The following COLGALT2 variants were observed in gnomAD, a reference collection of about 807,000 sequenced individuals.
The protein encoded by COLGALT2 is procollagen galactosyltransferase 2.
In COLGALT2, 49 loss-of-function variants were observed where a neutral mutation model predicts 73.4. The observed-to-expected ratio is 0.67, with a 90% confidence interval of 0.53 to 0.85. COLGALT2 has a LOEUF of 0.85. Among genes scored for constraint, COLGALT2 ranks in the 40% least tolerant of loss-of-function variants. COLGALT2 has a pLI of 0.00. For synonymous variants in COLGALT2, 295 were observed against 307.6 expected (o/e 0.96, Z 0.43); for missense variants, 722 against 790.2 (o/e 0.91, Z 1.03).
At chr1:183,967,285 C>G (rs1301343831) in intron 5 of COLGALT2, among the ~76,000 whole-genome samples, 1 of 152,234 alleles carries the variant, frequency 6.6e-6, no homozygotes, top group Non-Finnish European at 1.5e-5. Flanking sequence ...TGCTTCATGA[C>G]TATTAGTTGT....
At position 183,935,979 on chromosome 1, in the gene COLGALT2, G is replaced by A; in HGVS notation, c.*2782C>T. 1.0e-6 allele frequency: 1 copy of A among 984,154 alleles called. No individual in the cohort carries two copies. The highest frequency in any genetic ancestry group is 1.7e-5 in the African/African-American group (1 of 57,196). 61.0% of individuals were successfully genotyped at this position (984,154 alleles called of 1,614,324 possible). ...TCTTGTTCTCAGAGCTCCTGCAGCA[G>A]GCCTGAATGAACCGCAAGCGGGGCC... is the stretch of plus-strand genomic sequence containing the variant. On this transcript the variant is annotated 3_prime_UTR_variant, in exon 12 of 12. Transcript: ENST00000361927.
At chr1:184,014,064 G>A (rs1648920482) in intron 1 of COLGALT2, among the ~76,000 whole-genome samples, 1 of 152,158 alleles carries the variant, frequency 6.6e-6, no homozygotes, top group Non-Finnish European at 1.5e-5. Flanking sequence ...AAAATGTCAG[G>A]AGATCTCTAG....
At chr1:183,980,166 A>G (rs1190849413) in intron 1 of COLGALT2, among the ~76,000 whole-genome samples, 1 of 151,992 alleles carries the variant, frequency 6.6e-6, no homozygotes, top group Non-Finnish European at 1.5e-5. Context: ...ATAAAAATAA[A>G]TGAGTTAAAT....
chr1:183,969,492 G>A lies in COLGALT2; in HGVS notation c.628-19C>T. On this transcript the variant is annotated intron_variant, in intron 4 of 11. Coordinates refer to ENST00000361927, the MANE Select transcript of COLGALT2 (RefSeq NM_015101.4). Reference sequence around the variant, plus strand: ...AGAAGCCCTGTAAAAGAGCAAATAGGTGGGTTGTGTTTTCTGATTTGAAGT... The same window carrying A: ...AGAAGCCCTGTAAAAGAGCAAATAGATGGGTTGTGTTTTCTGATTTGAAGT... The A allele has an allele frequency of 6.3e-7, 1 of 1,583,034 alleles. No homozygotes were observed. The highest frequency in any genetic ancestry group is 8.6e-7 in the Non-Finnish European group (1 of 1,163,616).
At chr1:183,998,674 C>T (rs2102836559) in intron 1 of COLGALT2, among the ~76,000 whole-genome samples, 1 of 152,142 alleles carries the variant, frequency 6.6e-6, no homozygotes, top group East Asian at 1.9e-4. Context: ...GAATCATTAT[C>T]TTTATCAATT....
intron 4 of COLGALT2, among the ~76,000 whole-genome samples, chr1:183,970,352 T>C (rs1239434052): frequency 6.6e-6 from 1 of 152,226 alleles, no homozygotes; most frequent in African/African-American, 2.4e-5. Flanking sequence ...GATGGCAGGC[T>C]CACTGGAATG....
At chr1:184,030,728 C>A (rs1277465348) in intron 1 of COLGALT2, among the ~76,000 whole-genome samples, 1 of 152,184 alleles carries the variant, frequency 6.6e-6, no homozygotes, top group Non-Finnish European at 1.5e-5. Context: ...GGCCTAATCA[C>A]TTGGATAAAG....
At chr1:183,933,775 C>T (rs538615671), downstream of COLGALT2, among the ~76,000 whole-genome samples, 78 of 152,316 alleles carry the variant, frequency 5.1e-4, 1 homozygote, top group African/African-American at 1.8e-3. Flanking sequence ...TCTGTGGGCC[C>T]TAGGATTGCT....
At chr1:183,952,123 T>G (rs1670417839) in intron 7 of COLGALT2, among the ~76,000 whole-genome samples, 1 of 152,232 alleles carries the variant, frequency 6.6e-6, no homozygotes, top group Non-Finnish European at 1.5e-5. Flanking sequence ...CCAGACTTAA[T>G]GAACCATAGA....
intron 7 of COLGALT2, among the ~76,000 whole-genome samples, chr1:183,953,053 A>T (rs1363003439): frequency 6.6e-6 from 1 of 152,126 alleles, no homozygotes; most frequent in African/African-American, 2.4e-5. Context: ...AAAAACAGAG[A>T]CCTCCAGTCT....
At chr1:183,957,748 A>G (rs1670591121) in intron 6 of COLGALT2, among the ~76,000 whole-genome samples, 1 of 144,544 alleles carries the variant, frequency 6.9e-6, no homozygotes, top group African/African-American at 2.6e-5. Context: ...CATAGTCACC[A>G]TGTAATTTTA....
At chr1:184,031,714 A>G (rs1028268835) in intron 1 of COLGALT2, among the ~76,000 whole-genome samples, 4 of 152,150 alleles carry the variant, frequency 2.6e-5, no homozygotes, top group African/African-American at 9.7e-5. Context: ...CCTTCTGTGT[A>G]AAGTGATAGA....
At chr1:183,948,347 C>T (rs747697723) in intron 8 of COLGALT2, among the ~76,000 whole-genome samples, 2 of 152,044 alleles carry the variant, frequency 1.3e-5, no homozygotes, top group Non-Finnish European at 2.9e-5. Flanking sequence ...CAAGAGAATC[C>T]AGCAATTTAT....
At chr1:183,965,535 T>G (rs1670843707) in intron 5 of COLGALT2, among the ~76,000 whole-genome samples, 1 of 152,026 alleles carries the variant, frequency 6.6e-6, no homozygotes, top group Non-Finnish European at 1.5e-5. Context: ...CAAGAAAGAT[T>G]ATAAACAACA....
chr1:183,973,946 T>A (rs1351173251), intron 3 of COLGALT2, among the ~76,000 whole-genome samples, 196 bp from the exon 4 acceptor site: 2 of 152,190 alleles, frequency 1.3e-5, no homozygotes, highest in Non-Finnish European at 2.9e-5. Context: ...AACTTTCGTA[T>A]GTTGGGCTCT....
intron 1 of COLGALT2, among the ~76,000 whole-genome samples, chr1:184,026,220 A>G (rs10158437): frequency 0.66 from 100,138 of 151,812 alleles, 33,330 homozygotes; most frequent in East Asian, 0.86. Flanking sequence ...TGTCCTGGAG[A>G]CCCCACTGCC....
intron 6 of COLGALT2, among the ~76,000 whole-genome samples, chr1:183,955,226 T>C (rs1418299067): frequency 6.6e-6 from 1 of 152,170 alleles, no homozygotes; most frequent in Non-Finnish European, 1.5e-5. Flanking sequence ...AAAATTGGGA[T>C]AATAGAAGTG....
intron 11 of COLGALT2, among the ~76,000 whole-genome samples, chr1:183,940,103 C>T (rs987077268): frequency 5.9e-5 from 9 of 152,236 alleles, no homozygotes; most frequent in African/African-American, 2.2e-4. Context: ...TTACACACCC[C>T]TGCGATTGCA....
Position 183,938,491 on chromosome 1 carries a change from T to C in COLGALT2, c.*270A>G, listed in dbSNP as rs1670023284. On this transcript the variant is annotated 3_prime_UTR_variant, in exon 12 of 12. Coordinates refer to ENST00000361927, the MANE Select transcript of COLGALT2 (RefSeq NM_015101.4). ...AATCAGTATCACATGAGTAGTGAAC[T>C]GAAGAATTAGGTGTCTGGATTACAG... The C allele has an allele frequency of 7.6e-7, 1 of 1,311,136 alleles. No homozygotes were observed. 81.2% of individuals were successfully genotyped at this position (1,311,136 alleles called of 1,614,324 possible). A position where few individuals can be genotyped will look rare whatever the true frequency, so the allele number is the denominator to read the frequency against.
Sources: gnomAD v4.1 joint callset for allele counts (sites outside exome capture counted in the v4.1 genomes callset) on GRCh38, gnomAD v4.1.1 for gene constraint, MANE v1.5 for transcripts, NCBI Gene and HGNC (gene_info 2026-07-23, HGNC 2026-07-21) for gene names.